The following SLC35A1 variants were observed in gnomAD, a reference collection of about 807,000 sequenced individuals.
SLC35A1 encodes the protein CMP-sialic acid transporter.
Under a neutral mutation model 40.3 loss-of-function variants are expected in SLC35A1, and 21 were observed. The observed-to-expected ratio is 0.52, with a 90% confidence interval of 0.37 to 0.75. The LOEUF is 0.75. SLC35A1 is among the 30% of genes least tolerant of loss of function. The pLI, the probability that SLC35A1 is intolerant of heterozygous loss-of-function variation, is 0.00. For missense variants in SLC35A1, 297 were observed against 382.1 expected (o/e 0.78, Z 1.86); for synonymous variants, 146 against 147.3 (o/e 0.99, Z 0.06).
chr6:87,508,573 C>T lies in SLC35A1; in HGVS notation c.728C>T (p.Thr243Ile). Residue 243 changes from threonine (T) to isoleucine (I), a missense_variant, in exon 6 of 8, where the codon ACA becomes ATA. Transcript: ENST00000369552. ...IKEKGFFYGYTYYVWFVIFLA... is the reference protein window; with the variant it reads ...IKEKGFFYGYIYYVWFVIFLA... ...GAAAAAGGATTTTTCTATGGTTACA[C>T]ATATTATGTCTGGTTTGTCATCTGT... The T allele has an allele frequency of 1.9e-6, 3 of 1,612,604 alleles. No homozygotes were observed. Among genetic ancestry groups the T allele is most frequent in the Non-Finnish European group, 2.5e-6 (3 of 1,179,436 alleles).
At chr6:87,486,756 G>A (rs1447599004) in intron 2 of SLC35A1, among the ~76,000 whole-genome samples, 1 of 152,168 alleles carries the variant, frequency 6.6e-6, no homozygotes, top group Non-Finnish European at 1.5e-5. Context: ...CTGCGTGTTT[G>A]AAATCCCTGA....
chr6:87,477,339 T>A (rs763930031), intron 1 of SLC35A1, 23 bp from the exon 2 acceptor site: 5 of 1,598,750 alleles, frequency 3.1e-6, no homozygotes, highest in Non-Finnish European at 4.3e-6. Context: ...CTAAGTAATG[T>A]CTTTGTTGCA....
chr6:87,501,129 AATTT>A (rs1562025018), intron 3 of SLC35A1, 25 bp from the exon 4 acceptor site: 1 of 1,560,948 alleles, frequency 6.4e-7, no homozygotes, highest in Middle Eastern at 1.7e-4. Context: ...ACATTAACTG[AATTT>A]ATTAATTCAT....
intron 7 of SLC35A1, among the ~76,000 whole-genome samples, chr6:87,510,383 G>C (rs1451062339): frequency 6.6e-6 from 1 of 152,128 alleles, no homozygotes; most frequent in Non-Finnish European, 1.5e-5. Flanking sequence ...TGTTCTTACT[G>C]ATGGTCAACT....
intron 4 of SLC35A1, among the ~76,000 whole-genome samples, chr6:87,503,668 C>T (rs1447432565): frequency 1.3e-5 from 2 of 152,030 alleles, no homozygotes; most frequent in Non-Finnish European, 2.9e-5. Flanking sequence ...GCCGAGATCG[C>T]GCCACTGCAC....
At position 87,511,495 on chromosome 6, in the gene SLC35A1, C is replaced by T. The variant is rs374761610; in HGVS notation, c.983C>T (p.Thr328Ile). Residue 328 changes from threonine to isoleucine, a missense_variant, in exon 8 of 8, where the codon ACA becomes ATA. Thr to Ile is a moderately conservative substitution (Grantham distance 89). Transcript: ENST00000369552. ...QDTTSIQQGE[T>I]ASKERVIGV ...ACTACATCCATCCAACAAGGAGAAA[C>T]AGCTTCAAAGGAGAGAGTTATTGGT... 2.0e-5 allele frequency: 32 copies of T among 1,613,778 alleles called. No individual in the cohort carries two copies. The highest frequency in any genetic ancestry group is 2.7e-5 in the Non-Finnish European group (32 of 1,179,974).
chr6:87,504,580 G>A (rs3800551), intron 4 of SLC35A1, among the ~76,000 whole-genome samples: 5,549 of 152,154 alleles, frequency 0.036, 119 homozygotes, highest in Middle Eastern at 0.054. Flanking sequence ...ACATTTTTGA[G>A]TTTTGATTTA....
intron 5 of SLC35A1, 148 bp downstream of exon 5, chr6:87,506,596 T>A (rs1770089567): frequency 2.8e-6 from 2 of 722,392 alleles, no homozygotes; most frequent in Non-Finnish European, 4.9e-6. Flanking sequence ...GTCAGCTGTT[T>A]TTCCAGTAAA....
chr6:87,500,871 C>T (rs1312554276), intron 3 of SLC35A1, among the ~76,000 whole-genome samples: 1 of 152,018 alleles, frequency 6.6e-6, no homozygotes, highest in East Asian at 1.9e-4. Context: ...CCTCAGCCTC[C>T]CGCGTAGCTG....
chr6:87,506,680 GA>G lies in SLC35A1; in HGVS notation c.574+233del, dbSNP rs1310402947. Among the ~76,000 whole-genome samples the G allele has an allele frequency of 8.5e-5, 13 of 152,148 alleles. No homozygotes were observed. The East Asian group carries it at 2.5e-3, about 29-fold the overall frequency. On this transcript the variant is annotated intron_variant, in intron 5 of 7. Transcript: ENST00000369552. ...GCAGTTAACTACTTCTGTTATCCTTGACCATCTCAGTCCGGCCAAAAACCCA... is the reference window on the plus strand; with the variant it reads ...GCAGTTAACTACTTCTGTTATCCTTGCCATCTCAGTCCGGCCAAAAACCCA...
At chr6:87,473,288 G>A (rs1056851213) in intron 1 of SLC35A1, among the ~76,000 whole-genome samples, 1 of 152,152 alleles carries the variant, frequency 6.6e-6, no homozygotes, top group East Asian at 1.9e-4. Flanking sequence ...GAGTGGGTGG[G>A]AACCGAATTC....
intron 4 of SLC35A1, among the ~76,000 whole-genome samples, chr6:87,503,188 C>T (rs747424502): frequency 9.2e-5 from 14 of 152,140 alleles, no homozygotes; most frequent in Admixed American, 6.5e-4. Flanking sequence ...AACATATCAT[C>T]TCTCATAGTT....
chr6:87,494,330 T>C (rs1769651167), intron 2 of SLC35A1, among the ~76,000 whole-genome samples: 1 of 152,168 alleles, frequency 6.6e-6, no homozygotes, highest in African/African-American at 2.4e-5. Flanking sequence ...AAAGAGAAAT[T>C]AGTAAATTCT....
intron 2 of SLC35A1, among the ~76,000 whole-genome samples, chr6:87,481,059 GA>G (rs1769228792): frequency 6.6e-6 from 1 of 152,146 alleles, no homozygotes; most frequent in Non-Finnish European, 1.5e-5. Context: ...AGTTTTGAGG[GA>G]AAGGAAAGTG....
chr6:87,499,654 A>T (rs1337615499), intron 2 of SLC35A1, among the ~76,000 whole-genome samples: 1 of 152,244 alleles, frequency 6.6e-6, no homozygotes, highest in African/African-American at 2.4e-5. Context: ...CTACAGAATT[A>T]TACAGATATA....
chr6:87,483,295 C>G (rs1769296742), intron 2 of SLC35A1, among the ~76,000 whole-genome samples: 1 of 152,008 alleles, frequency 6.6e-6, no homozygotes, highest in South Asian at 2.1e-4. Context: ...GCTTATGCTG[C>G]TGTTCTTCCC....
chr6:87,475,863 T>C (rs1769054817), intron 1 of SLC35A1, among the ~76,000 whole-genome samples: 1 of 152,210 alleles, frequency 6.6e-6, no homozygotes, highest in Non-Finnish European at 1.5e-5. Flanking sequence ...AAAGTATGGC[T>C]CTGGAAAGCC....
chr6:87,474,841 A>G (rs1769022153), intron 1 of SLC35A1, among the ~76,000 whole-genome samples: 1 of 152,212 alleles, frequency 6.6e-6, no homozygotes, highest in South Asian at 2.1e-4. Flanking sequence ...AATATAATAT[A>G]TATTCCCATA....
At position 87,501,149 on chromosome 6, in the gene SLC35A1, T is replaced by C. The variant is rs1769912719; in HGVS notation, c.355-9T>C. Reference sequence around the variant, plus strand: ...AACTGAATTTATTAATTCATTCTCTTTTTTTTAGGTGACCTACCAGTTGAA... The same window carrying C: ...AACTGAATTTATTAATTCATTCTCTCTTTTTTAGGTGACCTACCAGTTGAA... On this transcript the variant is annotated splice_polypyrimidine_tract_variant and intron_variant, in intron 3 of 7. Coordinates refer to ENST00000369552, the MANE Select transcript of SLC35A1 (RefSeq NM_006416.5). The C allele has an allele frequency of 1.2e-6, 2 of 1,607,542 alleles. No homozygotes were observed. The highest frequency in any genetic ancestry group is 8.5e-7 in the Non-Finnish European group (1 of 1,174,042).
Sources: allele counts gnomAD v4.1 joint callset (sites outside exome capture counted in the v4.1 genomes callset), GRCh38; gene constraint gnomAD v4.1.1; transcripts MANE v1.5; gene names NCBI Gene and HGNC (gene_info 2026-07-23, HGNC 2026-07-21).